The following FAT3 variants were observed in gnomAD, a reference collection of about 807,000 sequenced individuals.
FAT3 encodes the protein FAT atypical cadherin 3, also known as protocadherin Fat 3.
In FAT3, 95 loss-of-function variants were observed where a neutral mutation model predicts 310.2. That is an observed-to-expected ratio of 0.31 (90% CI 0.26 to 0.36). FAT3 has a LOEUF of 0.36. Ranked by LOEUF, FAT3 falls within the 10% of genes least tolerant of loss-of-function variation. The pLI, the probability that FAT3 is intolerant of heterozygous loss-of-function variation, is 1.00. For missense variants in FAT3, 5,408 were observed against 5,715.6 expected, an observed-to-expected ratio of 0.95 and a Z score of 1.74; for synonymous variants, 2,314 against 2,192.9, an observed-to-expected ratio of 1.06 and a Z score of -1.54.
intron 1 of FAT3, among the ~76,000 whole-genome samples, chr11:92,321,368 C>G (rs1031892345): frequency 6.6e-6 from 1 of 151,174 alleles, no homozygotes; most frequent in Non-Finnish European, 1.5e-5. Context: ...ACCCGAGAGG[C>G]GGAGCTTGCA....
At position 92,352,108 on chromosome 11, in the gene FAT3, A is replaced by C; in HGVS notation, c.-5A>C. 1 of 1,323,712 alleles carries C rather than the reference A, an allele frequency of 7.6e-7. No homozygotes were observed. 82.0% of individuals were successfully genotyped at this position (1,323,712 alleles called of 1,614,324 possible). ...TTCTTCCCTCCAGGATGGAAGTATG[A>C]TGTGATGGATATAATTATGGGACAC... On this transcript the variant is annotated 5_prime_UTR_variant, in exon 2 of 28. An upstream start codon of the reference 5' UTR is lost. Coordinates refer to ENST00000525166, the MANE Select transcript of FAT3 (RefSeq NM_001367949.2).
At chr11:92,816,973 C>A (rs1195504550) in intron 13 of FAT3, among the ~76,000 whole-genome samples, 1 of 151,446 alleles carries the variant, frequency 6.6e-6, no homozygotes, top group Non-Finnish European at 1.5e-5. Context: ...GAGACTCCAT[C>A]TCAAAAAAAA....
intron 13 of FAT3, among the ~76,000 whole-genome samples, chr11:92,823,329 G>A (rs941102336): frequency 6.6e-6 from 1 of 152,122 alleles, no homozygotes; most frequent in Non-Finnish European, 1.5e-5. Context: ...ATCATCCCAG[G>A]TGTAGCTTCA....
intron 4 of FAT3, among the ~76,000 whole-genome samples, chr11:92,750,980 T>C (rs1945812551): frequency 6.6e-6 from 1 of 152,222 alleles, no homozygotes; most frequent in Non-Finnish European, 1.5e-5. Flanking sequence ...GAACAGTGAA[T>C]TGTTCACGTT....
At position 92,867,009 on chromosome 11, in the gene FAT3, C is replaced by T. The variant is rs757860177; in HGVS notation, c.11927C>T (p.Thr3976Met). ...NIRSLTDTRVTQVLSGFQGCL... is the reference protein window; with the variant it reads ...NIRSLTDTRVMQVLSGFQGCL... ...CGCAGCCTGACTGACACGCGGGTCA[C>T]GCAGGTGCTCAGCGGCTTCCAGGGC... The change falls in exon 22 of 28, where the codon ACG becomes ATG. Residue 3976 changes from threonine (T) to methionine (M), a missense_variant. By Grantham distance (81) the Thr-to-Met change is moderately conservative. Coordinates refer to ENST00000525166, the MANE Select transcript of FAT3 (RefSeq NM_001367949.2). 6 of 1,601,008 alleles carry T rather than the reference C, an allele frequency of 3.7e-6. No homozygotes were observed. In the South Asian group the frequency reaches 4.5e-5, roughly 12 times the overall value.
intron 3 of FAT3, among the ~76,000 whole-genome samples, chr11:92,689,394 T>G (rs1037023682): frequency 6.6e-6 from 1 of 152,362 alleles, no homozygotes; most frequent in South Asian, 2.1e-4. Context: ...CATCTAAGCA[T>G]GCACATCAGT....
rs141664790 is a variant in FAT3, at chr11:92,852,967, T to C, written c.11366-4247T>C. On this transcript the variant is annotated intron_variant, in intron 19 of 27. Coordinates refer to ENST00000525166, the MANE Select transcript of FAT3 (RefSeq NM_001367949.2). ...CCCTGTTGTCACAGGATCCTTGGGG[T>C]GTTGCTTCTCCAGCTGAAAACCTCT... 2.7e-3 allele frequency among the ~76,000 whole-genome samples: 410 copies of C among 152,134 alleles called. 1 individual carries two copies. The highest frequency in any genetic ancestry group is 9.6e-3 in the African/African-American group (397 of 41,502).
At chr11:92,575,544 TGGA>T (rs1938437796) in intron 3 of FAT3, among the ~76,000 whole-genome samples, 2 of 152,322 alleles carry the variant, frequency 1.3e-5, no homozygotes, top group East Asian at 3.9e-4. Context: ...TTTGTGTGTG[TGGA>T]GTTCACCCTT....
At chr11:92,843,720 T>G (rs1164493592) in intron 18 of FAT3, among the ~76,000 whole-genome samples, 1 of 152,222 alleles carries the variant, frequency 6.6e-6, no homozygotes, top group Non-Finnish European at 1.5e-5. Flanking sequence ...TTGATACATT[T>G]TATTGTCCAT....
chr11:92,274,326 T>G (rs1946206363), intron 1 of FAT3, among the ~76,000 whole-genome samples: 1 of 152,074 alleles, frequency 6.6e-6, no homozygotes, highest in Admixed American at 6.6e-5. Context: ...CCTTCTTGAT[T>G]TGGTCTTCAT....
chr11:92,414,948 T>A (rs1950375412), intron 2 of FAT3, among the ~76,000 whole-genome samples: 2 of 151,746 alleles, frequency 1.3e-5, no homozygotes, highest in South Asian at 4.2e-4. Context: ...AGGCGGAGCT[T>A]GCAGTGAGCT....
chr11:92,259,567 A>T (rs1031557433), intron 1 of FAT3, among the ~76,000 whole-genome samples: 3 of 132,428 alleles, frequency 2.3e-5, no homozygotes, highest in Admixed American at 1.4e-4. Flanking sequence ...AAAAATAAAA[A>T]TAAATAAAAA....
At chr11:92,645,878 C>A (rs1942144431) in intron 3 of FAT3, among the ~76,000 whole-genome samples, 1 of 152,160 alleles carries the variant, frequency 6.6e-6, no homozygotes, top group Non-Finnish European at 1.5e-5. Flanking sequence ...TTGCCTTGTA[C>A]ATGGTGGGTA....
chr11:92,622,614 A>G (rs1941137920), intron 3 of FAT3, among the ~76,000 whole-genome samples: 1 of 152,148 alleles, frequency 6.6e-6, no homozygotes, highest in African/African-American at 2.4e-5. Context: ...TTTATATATC[A>G]ACTGTCTAGC....
chr11:92,536,330 T>G (rs1954258170), intron 3 of FAT3, among the ~76,000 whole-genome samples: 1 of 152,198 alleles, frequency 6.6e-6, no homozygotes, highest in Admixed American at 6.5e-5. Context: ...ATAGTTAGGC[T>G]TCATAATAAC....
intron 2 of FAT3, among the ~76,000 whole-genome samples, chr11:92,440,361 A>G (rs1020413059): frequency 2.0e-5 from 3 of 152,236 alleles, no homozygotes; most frequent in African/African-American, 7.2e-5. Context: ...CTCTGTAAAC[A>G]GTTTGTAACA....
intron 3 of FAT3, among the ~76,000 whole-genome samples, chr11:92,585,237 A>G (rs1001781712): frequency 3.3e-5 from 5 of 152,070 alleles, no homozygotes; most frequent in African/African-American, 4.8e-5. Flanking sequence ...TTCATCTTCA[A>G]TGTTTCAAAT....
chr11:92,643,816 G>A (rs1159203025), intron 3 of FAT3, among the ~76,000 whole-genome samples: 1 of 152,200 alleles, frequency 6.6e-6, no homozygotes, highest in African/African-American at 2.4e-5. Flanking sequence ...ACGGTATTGG[G>A]TAGGGGACTT....
intron 2 of FAT3, among the ~76,000 whole-genome samples, chr11:92,471,052 C>T (rs1334372387): frequency 2.6e-5 from 4 of 152,038 alleles, no homozygotes; most frequent in East Asian, 1.9e-4. Context: ...TTAATGTCTG[C>T]GTAGCAGTCT....
Sources: allele counts gnomAD v4.1 joint callset (sites outside exome capture counted in the v4.1 genomes callset), GRCh38; gene constraint gnomAD v4.1.1; transcripts MANE v1.5; gene names NCBI Gene and HGNC (gene_info 2026-07-23, HGNC 2026-07-21).